SLMAP: variants seen among roughly 807,000 people sequenced by gnomAD.
SLMAP encodes the protein sarcolemmal membrane-associated protein.
A neutral mutation model predicts 128.8 loss-of-function variants in SLMAP; 44 were observed. The observed-to-expected ratio is 0.34, with a 90% CI of 0.27 to 0.44. The LOEUF (loss-of-function observed/expected upper bound fraction) is 0.44. Among genes scored for constraint, SLMAP ranks in the 20% least tolerant of loss-of-function variants. SLMAP has a pLI of 1.00. For synonymous variants in SLMAP, 327 were observed against 348.8 expected, an observed-to-expected ratio of 0.94 and a Z score of 0.70; for missense variants, 787 against 985.3, an observed-to-expected ratio of 0.80 and a Z score of 2.69.
At chr3:57,881,954 G>A (rs2095755699) in intron 14 of SLMAP, among the ~76,000 whole-genome samples, 1 of 152,048 alleles carries the variant, frequency 6.6e-6, no homozygotes, top group African/African-American at 2.4e-5. Context: ...CAGTGATCAT[G>A]CTGTGAAAAG....
chr3:57,875,474 C>T (rs537832411), intron 14 of SLMAP, among the ~76,000 whole-genome samples: 25 of 152,302 alleles, frequency 1.6e-4, no homozygotes, highest in Non-Finnish European at 7.4e-5. Context: ...ATGATCACAC[C>T]ATTGCACTCC....
chr3:57,774,868 T>C (rs1331704849), intron 2 of SLMAP, among the ~76,000 whole-genome samples: 2 of 152,034 alleles, frequency 1.3e-5, no homozygotes, highest in East Asian at 3.9e-4. Flanking sequence ...GTAGGTCTGA[T>C]GATTGTGCTT....
At position 57,787,035 on chromosome 3, in the gene SLMAP, C is replaced by T. The variant is rs186500845; in HGVS notation, c.198+29186C>T. Among the ~76,000 whole-genome samples, 504 of 152,122 alleles carry T rather than the reference C, an allele frequency of 3.3e-3. 2 individuals carry two copies. Among genetic ancestry groups the T allele is most frequent in the African/African-American group, 0.011 (476 of 41,510 alleles). ...ACAGGCGTGAGCCACCGCACCCTGC[C>T]GAAAATTATGTAGTTTTGGGAGCCA... On this transcript the variant is annotated intron_variant, in intron 2 of 24. Transcript: ENST00000671191.
intron 13 of SLMAP, among the ~76,000 whole-genome samples, chr3:57,869,015 T>TTA (rs758074602): frequency 7.2e-6 from 1 of 139,386 alleles, no homozygotes; most frequent in Non-Finnish European, 1.5e-5. Context: ...ATAATATATA[T>TTA]TATATGTGTA....
chr3:57,891,675 C>T (rs928631003), intron 15 of SLMAP, among the ~76,000 whole-genome samples: 24 of 151,768 alleles, frequency 1.6e-4, no homozygotes, highest in Admixed American at 6.6e-5. Context: ...CTTCTGGGTT[C>T]AAGTGATTCT....
chr3:57,788,237 C>T (rs866519586), intron 2 of SLMAP, among the ~76,000 whole-genome samples: 1 of 152,166 alleles, frequency 6.6e-6, no homozygotes, highest in South Asian at 2.1e-4. Flanking sequence ...TCTTGAAGGA[C>T]TTTAGTGTAA....
rs145062028 is a variant in SLMAP at position 57,758,704 on chromosome 3, T to C, written c.198+855T>C. ...GTATTTTTATGTTAGTATCGTAAGT[T>C]ACTATACATGTATGTGCTTTTATTT... On this transcript the variant is annotated intron_variant, in intron 2 of 24. Coordinates refer to ENST00000671191, the MANE Select transcript of SLMAP (RefSeq NM_001377540.1). 2.5e-4 allele frequency among the ~76,000 whole-genome samples: 38 copies of C among 152,370 alleles called. 1 individual carries two copies. In the Middle Eastern group the frequency reaches 0.014, roughly 55 times the overall value.
At chr3:57,819,599 T>TATCAAC (rs1179708484) in intron 2 of SLMAP, among the ~76,000 whole-genome samples, 1 of 152,220 alleles carries the variant, frequency 6.6e-6, no homozygotes, top group Non-Finnish European at 1.5e-5. Flanking sequence ...TATAGATCAA[T>TATCAAC]ATCAACTATC....
chr3:57,818,192 G>T (rs915811602), intron 2 of SLMAP, among the ~76,000 whole-genome samples: 1 of 152,104 alleles, frequency 6.6e-6, no homozygotes, highest in Admixed American at 6.5e-5. Flanking sequence ...TTTCACTCTT[G>T]TTGCCCAGGC....
At chr3:57,914,394 C>G (rs972846453) in intron 21 of SLMAP, among the ~76,000 whole-genome samples, 1 of 151,756 alleles carries the variant, frequency 6.6e-6, no homozygotes, top group Non-Finnish European at 1.5e-5. Context: ...TCCCATGTCT[C>G]AAGAAAACAT....
intron 6 of SLMAP, among the ~76,000 whole-genome samples, chr3:57,852,229 GAATC>G (rs2153582380): frequency 6.6e-6 from 1 of 152,160 alleles, no homozygotes; most frequent in East Asian, 1.9e-4. Context: ...TCTTTTATAG[GAATC>G]AATCAGTGAG....
chr3:57,762,032 C>T (rs1199833436), intron 2 of SLMAP, among the ~76,000 whole-genome samples: 2 of 123,176 alleles, frequency 1.6e-5, no homozygotes, highest in East Asian at 2.4e-4. Context: ...CCGGCCTGGG[C>T]GACAGAGCGA....
At chr3:57,788,477 G>T (rs1310428470) in intron 2 of SLMAP, among the ~76,000 whole-genome samples, 1 of 152,122 alleles carries the variant, frequency 6.6e-6, no homozygotes, top group African/African-American at 2.4e-5. Context: ...AGATAGACTT[G>T]GGAGTTATCA....
intron 17 of SLMAP, 79 bp from the exon 18 acceptor site, chr3:57,907,805 G>T: frequency 7.3e-7 from 1 of 1,375,546 alleles, no homozygotes; most frequent in South Asian, 1.4e-5. Context: ...GTGCAAACAT[G>T]AGAGAGATTA....
intron 4 of SLMAP, 116 bp from the exon 5 acceptor site, chr3:57,847,081 T>TTCC: frequency 1.5e-6 from 1 of 672,332 alleles, no homozygotes; most frequent in Non-Finnish European, 2.6e-6. Flanking sequence ...TCACCTTTTT[T>TTCC]TAATTACATG....
intron 6 of SLMAP, among the ~76,000 whole-genome samples, chr3:57,857,371 T>C (rs1363742554): frequency 6.6e-6 from 1 of 152,156 alleles, no homozygotes; most frequent in Non-Finnish European, 1.5e-5. Flanking sequence ...TTCCTATATA[T>C]ACACATACCT....
chr3:57,876,451 G>A (rs1304151972), intron 14 of SLMAP, among the ~76,000 whole-genome samples: 1 of 152,144 alleles, frequency 6.6e-6, no homozygotes, highest in Non-Finnish European at 1.5e-5. Context: ...TTTCAGAACT[G>A]TAAAGTAAAT....
At chr3:57,865,194 A>G (rs1293393851) in intron 12 of SLMAP, 48 bp from the exon 13 acceptor site, 12 of 1,032,170 alleles carry the variant, frequency 1.2e-5, no homozygotes, top group Non-Finnish European at 1.6e-5. Context: ...GACCACATTT[A>G]AAGTAATACT....
intron 14 of SLMAP, among the ~76,000 whole-genome samples, chr3:57,880,165 G>A (rs1285255419): frequency 7.4e-6 from 1 of 135,170 alleles, no homozygotes; most frequent in Non-Finnish European, 1.6e-5. Flanking sequence ...CTTTTTGTAT[G>A]TCATTTTTGT....
Sources: allele counts gnomAD v4.1 joint callset (sites outside exome capture counted in the v4.1 genomes callset), GRCh38; gene constraint gnomAD v4.1.1; transcripts MANE v1.5; gene names NCBI Gene and HGNC (gene_info 2026-07-23, HGNC 2026-07-21).